Variants in TMPRSS7 observed in about 807,000 individuals in gnomAD.
TMPRSS7 encodes the protein transmembrane protease serine 7.
A neutral mutation model predicts 95.6 loss-of-function variants in TMPRSS7; 81 were observed. That is an observed-to-expected ratio of 0.85 (90% CI 0.71 to 1.02). The LOEUF (loss-of-function observed/expected upper bound fraction) is 1.02, where lower values mean the gene tolerates loss of function less well. Among genes scored for constraint, TMPRSS7 ranks in the 50% least tolerant of loss-of-function variants. The pLI, the probability that TMPRSS7 is intolerant of heterozygous loss-of-function variation, is 0.00. For missense variants in TMPRSS7, 945 were observed against 955.2 expected, an observed-to-expected ratio of 0.99 and a Z score of 0.14; for synonymous variants, 364 against 337.8, an observed-to-expected ratio of 1.08 and a Z score of -0.85.
intron 13 of TMPRSS7, among the ~76,000 whole-genome samples, chr3:112,070,069 C>T (rs2073623621): frequency 6.6e-6 from 1 of 152,154 alleles, no homozygotes; most frequent in Non-Finnish European, 1.5e-5. Context: ...TTATTTCTGC[C>T]TTCATTTCGT....
intron 11 of TMPRSS7, 123 bp from the exon 12 acceptor site, chr3:112,063,402 G>A: frequency 1.4e-6 from 1 of 704,424 alleles, no homozygotes. Flanking sequence ...AAGACACTAT[G>A]TAATTATTAC....
chr3:112,073,296 G>A (rs2073673355), intron 13 of TMPRSS7, among the ~76,000 whole-genome samples: 1 of 151,820 alleles, frequency 6.6e-6, no homozygotes, highest in African/African-American at 2.4e-5. Context: ...GTTTCACCAT[G>A]TTGGCCACAC....
chr3:112,048,633 T>C (rs2073309280), intron 7 of TMPRSS7, among the ~76,000 whole-genome samples: 1 of 152,226 alleles, frequency 6.6e-6, no homozygotes, highest in South Asian at 2.1e-4. Context: ...TAAATCATCC[T>C]ATTATTTTTA....
intron 13 of TMPRSS7, among the ~76,000 whole-genome samples, chr3:112,067,229 T>C (rs2073588587): frequency 2.0e-5 from 3 of 152,248 alleles, no homozygotes; most frequent in Non-Finnish European, 2.9e-5. Flanking sequence ...CAGTCTATCA[T>C]TGATGGACGT....
At chr3:112,074,204 T>C in intron 13 of TMPRSS7, 92 bp from the exon 14 acceptor site, 1 of 894,348 alleles carries the variant, frequency 1.1e-6, no homozygotes, top group Non-Finnish European at 1.8e-6. Context: ...TTAAACCATT[T>C]TTTATGGGGT....
intron 15 of TMPRSS7, among the ~76,000 whole-genome samples, chr3:112,075,793 G>A (rs2073704993): frequency 6.6e-6 from 1 of 152,180 alleles, no homozygotes; most frequent in South Asian, 2.1e-4. Flanking sequence ...AGAAAAATGG[G>A]CACTGGAGAG....
chr3:112,063,419 C>A, intron 11 of TMPRSS7, 106 bp from the exon 12 acceptor site: 1 of 788,666 alleles, frequency 1.3e-6, no homozygotes, highest in Non-Finnish European at 2.2e-6. Flanking sequence ...TTACTGCTAC[C>A]CTGCCAACTC....
chr3:112,040,504 T>C (rs1408961542), intron 2 of TMPRSS7, among the ~76,000 whole-genome samples: 1 of 152,048 alleles, frequency 6.6e-6, no homozygotes, highest in East Asian at 1.9e-4. Context: ...GGGAGCAGAG[T>C]GGTGAGCAAG....
At position 112,047,421 on chromosome 3, in the gene TMPRSS7, G is replaced by A. The variant is rs572623217; in HGVS notation, c.731-318G>A. 4.3e-4 allele frequency: 245 copies of A among 568,604 alleles called. 5 individuals carry two copies. Among genetic ancestry groups the A allele is most frequent in the South Asian group, 3.6e-3 (234 of 65,608 alleles). The allele number at this position is 568,604 out of a possible 1,614,324, so 35.2% of individuals were successfully genotyped here. On this transcript the variant is annotated intron_variant, in intron 6 of 17. Transcript: ENST00000452346. ...TTGCTCTTGCAGAAGTCCTGGGGCT[G>A]ACTCTCATTGTCTGGATTGACTGAC... is the stretch of plus-strand genomic sequence containing the variant.
chr3:112,063,028 C>T (rs1480467998), intron 11 of TMPRSS7, among the ~76,000 whole-genome samples: 2 of 152,116 alleles, frequency 1.3e-5, no homozygotes, highest in African/African-American at 4.8e-5. Context: ...GTGATAAGAG[C>T]AGTGGTTACT....
At chr3:112,056,985 A>G in intron 9 of TMPRSS7, 40 bp from the exon 10 acceptor site, 1 of 1,416,850 alleles carries the variant, frequency 7.1e-7, no homozygotes, top group Non-Finnish European at 9.9e-7. Flanking sequence ...ACATACTTTG[A>G]TTGAAGCATT....
chr3:112,037,114 C>G (rs1227901394), intron 1 of TMPRSS7, among the ~76,000 whole-genome samples: 1 of 152,144 alleles, frequency 6.6e-6, no homozygotes, highest in Non-Finnish European at 1.5e-5. Context: ...GAAAAAAGAA[C>G]AGGATAACAG....
intron 5 of TMPRSS7, among the ~76,000 whole-genome samples, 153 bp downstream of exon 5, chr3:112,046,096 T>C (rs544020562): frequency 2.0e-5 from 3 of 152,226 alleles, no homozygotes; most frequent in Non-Finnish European, 2.9e-5. Context: ...GGAGCTATGT[T>C]AGTAAAGGAA....
rs1315262318 is a variant in TMPRSS7 at position 112,050,792 on chromosome 3, G to A, written c.1203+9G>A. On this transcript the variant is annotated intron_variant, in intron 9 of 17. Coordinates refer to ENST00000452346, the Ensembl canonical transcript of TMPRSS7. The stretch of plus-strand genomic sequence containing the variant: ...GTACCTGGAAATTTCAGGTAGCCTA[G>A]TTCTACCAGTGTCTTAGAAAAATAT... The A allele has an allele frequency of 6.7e-7, 1 of 1,481,782 alleles. No individual in the cohort carries two copies. The highest frequency in any genetic ancestry group is 1.2e-5 in the South Asian group (1 of 82,408). The allele number at this position is 1,481,782 out of a possible 1,614,324, so 91.8% of individuals were successfully genotyped here. A position where few individuals can be genotyped will look rare whatever the true frequency, so the allele number is the denominator to read the frequency against.
intron 11 of TMPRSS7, among the ~76,000 whole-genome samples, chr3:112,063,082 C>T (rs1432019719): frequency 6.6e-6 from 1 of 152,214 alleles, no homozygotes; most frequent in Non-Finnish European, 1.5e-5. Flanking sequence ...TAATTTAAGA[C>T]ATACAGGATA....
At chr3:112,061,145 G>A (rs964770914) in intron 10 of TMPRSS7, among the ~76,000 whole-genome samples, 2 of 152,070 alleles carry the variant, frequency 1.3e-5, no homozygotes, top group Non-Finnish European at 2.9e-5. Flanking sequence ...AATACTGTAT[G>A]CTATGCTCCA....
At chr3:112,041,844 C>G in intron 2 of TMPRSS7, 76 bp from the exon 3 acceptor site, 1 of 968,318 alleles carries the variant, frequency 1.0e-6, no homozygotes, top group South Asian at 1.4e-5. Context: ...GAGCCTCATA[C>G]TGACATAGCT....
Position 112,054,927 on chromosome 3 carries a change from G to A in TMPRSS7, c.1204-2098G>A, listed in dbSNP as rs184959976. 6.6e-5 allele frequency among the ~76,000 whole-genome samples: 10 copies of A among 151,864 alleles called. No individual in the cohort carries two copies. The East Asian group carries it at 1.9e-3, about 30-fold the overall frequency. On this transcript the variant is annotated intron_variant, in intron 9 of 17. Coordinates refer to ENST00000452346, the Ensembl canonical transcript of TMPRSS7. ...GCTAATTTTTTCTATTTTTAGTAGA[G>A]ACGGAGTTTCACCGTGTTAGCCTGG...
chr3:112,059,099 C>T (rs1017031869), intron 10 of TMPRSS7, among the ~76,000 whole-genome samples: 2 of 152,090 alleles, frequency 1.3e-5, no homozygotes, highest in South Asian at 2.1e-4. Context: ...CTCTAGACAG[C>T]CTGGGGGTGA....
Sources: gnomAD v4.1 joint callset for allele counts (sites outside exome capture counted in the v4.1 genomes callset) on GRCh38, gnomAD v4.1.1 for gene constraint, MANE v1.5 for transcripts, NCBI Gene and HGNC (gene_info 2026-07-23, HGNC 2026-07-21) for gene names.